The following NRXN1 variants were observed in gnomAD, a reference collection of about 807,000 sequenced individuals.
The protein encoded by NRXN1 is neurexin-1.
Under a neutral mutation model 150.9 loss-of-function variants are expected in NRXN1, and 39 were observed. That is an observed-to-expected ratio of 0.26 (90% confidence interval 0.20 to 0.34). The LOEUF (loss-of-function observed/expected upper bound fraction) is 0.34. Among genes scored for constraint, NRXN1 ranks in the 10% least tolerant of loss-of-function variants. NRXN1 has a pLI of 1.00. For synonymous variants in NRXN1, 924 were observed against 757.0 expected (o/e 1.22, Z -3.62); for missense variants, 1,815 against 1,949.9 (o/e 0.93, Z 1.30).
intron 17 of NRXN1, among the ~76,000 whole-genome samples, chr2:50,420,121 T>C (rs573324343): frequency 6.6e-6 from 1 of 152,070 alleles, no homozygotes; most frequent in East Asian, 1.9e-4. Context: ...AGAGAGGGCA[T>C]GGAACAGATT....
intron 17 of NRXN1, among the ~76,000 whole-genome samples, chr2:50,254,140 T>G (rs1164052218): frequency 6.6e-6 from 1 of 151,954 alleles, no homozygotes; most frequent in Non-Finnish European, 1.5e-5. Flanking sequence ...GGTTTAGTCT[T>G]GGGAGGGTGT....
At chr2:50,158,901 C>T (rs770541678) in intron 18 of NRXN1, among the ~76,000 whole-genome samples, 6 of 151,998 alleles carry the variant, frequency 3.9e-5, no homozygotes, top group African/African-American at 7.2e-5. Flanking sequence ...GATAGTGAAC[C>T]TTTCCTGTCA....
chr2:50,886,400 G>A (rs1468216321), intron 5 of NRXN1, among the ~76,000 whole-genome samples: 1 of 151,388 alleles, frequency 6.6e-6, no homozygotes, highest in South Asian at 2.1e-4. Flanking sequence ...CCCAATTTTG[G>A]CTTGTTTGTT....
intron 5 of NRXN1, among the ~76,000 whole-genome samples, chr2:50,762,113 A>T (rs1230781058): frequency 1.1e-5 from 1 of 94,292 alleles, no homozygotes; most frequent in Non-Finnish European, 2.1e-5. Context: ...ATATATATAT[A>T]TATGTGTATA....
chr2:50,825,848 G>A (rs1228798337), intron 5 of NRXN1, among the ~76,000 whole-genome samples: 1 of 152,156 alleles, frequency 6.6e-6, no homozygotes, highest in Admixed American at 6.5e-5. Context: ...CTGCTAGACT[G>A]TGTCTGAATT....
At chr2:50,503,185 G>T (rs1055790199) in intron 13 of NRXN1, among the ~76,000 whole-genome samples, 2 of 152,016 alleles carry the variant, frequency 1.3e-5, no homozygotes, top group African/African-American at 4.8e-5. Context: ...GCATGTGCCT[G>T]TAATCCCAGC....
At chr2:50,384,505 CAAAAAAAAAAAA>C (rs56052881) in intron 17 of NRXN1, among the ~76,000 whole-genome samples, 86 of 55,970 alleles carry the variant, frequency 1.5e-3, no homozygotes, top group Non-Finnish European at 2.5e-3. Context: ...GACTCCATCT[CAAAAAAAAAAAA>C]AAAAAAAAAA....
At chr2:50,853,648 CT>C (rs1182667135) in intron 5 of NRXN1, among the ~76,000 whole-genome samples, 1 of 152,036 alleles carries the variant, frequency 6.6e-6, no homozygotes, top group Non-Finnish European at 1.5e-5. Context: ...GAAGAAATCC[CT>C]TTTATATCTG....
At chr2:50,129,500 T>A (rs1008372607) in intron 18 of NRXN1, among the ~76,000 whole-genome samples, 1 of 152,168 alleles carries the variant, frequency 6.6e-6, no homozygotes, top group Non-Finnish European at 1.5e-5. Flanking sequence ...AAAATAATTA[T>A]CAGATATCCA....
chr2:50,891,695 G>GAA (rs1023588557), intron 5 of NRXN1, among the ~76,000 whole-genome samples: 5 of 152,056 alleles, frequency 3.3e-5, no homozygotes, highest in Admixed American at 2.6e-4. Flanking sequence ...TATACTACCA[G>GAA]AAAAAACTTA....
chr2:50,042,403 C>T (rs1691128091), intron 21 of NRXN1, among the ~76,000 whole-genome samples: 1 of 152,136 alleles, frequency 6.6e-6, no homozygotes, highest in South Asian at 2.1e-4. Context: ...TCCTTTCTGC[C>T]ACCATGTGAA....
intron 18 of NRXN1, among the ~76,000 whole-genome samples, chr2:50,222,592 C>T (rs576191506): frequency 6.6e-6 from 1 of 151,808 alleles, no homozygotes; most frequent in African/African-American, 2.4e-5. Flanking sequence ...AAAATGTTAT[C>T]CATTTGTAAT....
chr2:51,010,735 A>G (rs949517158), intron 2 of NRXN1, among the ~76,000 whole-genome samples: 1 of 151,970 alleles, frequency 6.6e-6, no homozygotes, highest in Non-Finnish European at 1.5e-5. Context: ...GCACAAGAGC[A>G]TAAGAGTGTC....
intron 18 of NRXN1, among the ~76,000 whole-genome samples, chr2:50,159,074 T>TTTGTTGTTG (rs35066147): frequency 2.6e-5 from 4 of 151,720 alleles, no homozygotes; most frequent in Admixed American, 6.6e-5. Context: ...TGAAAGTCTC[T>TTTGTTGTTG]TTGTTGTTGT....
intron 17 of NRXN1, among the ~76,000 whole-genome samples, chr2:50,374,459 T>G (rs1290588711): frequency 6.6e-6 from 1 of 152,052 alleles, no homozygotes; most frequent in East Asian, 1.9e-4. Context: ...CACAGAACTA[T>G]CAACCATCAT....
intron 12 of NRXN1, 87 bp from the exon 13 acceptor site, chr2:50,506,704 G>A (rs1051147299): frequency 2.2e-6 from 3 of 1,373,774 alleles, no homozygotes; most frequent in Non-Finnish European, 3.0e-6. Flanking sequence ...AGAGACAAGG[G>A]GGGAAGGTGA....
At position 50,865,741 on chromosome 2, in the gene NRXN1, GT is replaced by G. The variant is rs200962829; in HGVS notation, c.832+56127del. 3.5e-5 allele frequency among the ~76,000 whole-genome samples: 4 copies of G among 113,528 alleles called. No individual in the cohort carries two copies. In the East Asian group the frequency reaches 1.2e-3, roughly 33 times the overall value. The allele number at this position is 113,528 out of a possible 152,430, so 74.5% of individuals were successfully genotyped here. A position where few individuals can be genotyped will look rare whatever the true frequency, so the allele number is the denominator to read the frequency against. On this transcript the variant is annotated intron_variant, in intron 5 of 22. Coordinates refer to ENST00000401669, the MANE Select transcript of NRXN1 (RefSeq NM_001330078.2). ...AGTAATTACCAGTAAACATTTGATA[GT>G]TTTTTTTTGGTGGTGGGGGGATGTA...
At chr2:49,997,376 T>A (rs1683170273) in intron 21 of NRXN1, among the ~76,000 whole-genome samples, 3 of 152,194 alleles carry the variant, frequency 2.0e-5, no homozygotes, top group Admixed American at 1.3e-4. Context: ...GATTTTATAT[T>A]AAGTATTATT....
intron 7 of NRXN1, 31 bp downstream of exon 7, chr2:50,621,195 T>C (rs747711093): frequency 6.5e-7 from 1 of 1,548,568 alleles, no homozygotes; most frequent in South Asian, 1.2e-5. Flanking sequence ...ACAATTAGAA[T>C]GATATCTACC....
Sources: allele counts gnomAD v4.1 joint callset (sites outside exome capture counted in the v4.1 genomes callset), GRCh38; gene constraint gnomAD v4.1.1; transcripts MANE v1.5; gene names NCBI Gene and HGNC (gene_info 2026-07-23, HGNC 2026-07-21).